SORCS3: variants seen among roughly 807,000 people sequenced by gnomAD.
SORCS3 encodes VPS10 domain-containing receptor SorCS3.
Under a neutral mutation model 146.3 loss-of-function variants are expected in SORCS3, and 57 were observed. The observed-to-expected ratio is 0.39, with a 90% CI of 0.31 to 0.49. The LOEUF is 0.49. Among genes scored for constraint, SORCS3 ranks in the 20% least tolerant of loss-of-function variants. SORCS3 has a pLI of 0.92. For synonymous variants in SORCS3, 653 were observed against 618.5 expected (o/e 1.06, Z -0.83); for missense variants, 1,341 against 1,575.5 (o/e 0.85, Z 2.52).
intron 1 of SORCS3, among the ~76,000 whole-genome samples, chr10:104,680,661 C>A (rs2015960036): frequency 6.6e-6 from 1 of 152,240 alleles, no homozygotes. Flanking sequence ...CTAGTAACTG[C>A]ACGTGAGGGG....
intron 2 of SORCS3, among the ~76,000 whole-genome samples, chr10:104,912,589 A>T (rs950378588): frequency 2.0e-5 from 3 of 152,234 alleles, no homozygotes; most frequent in Non-Finnish European, 4.4e-5. Context: ...AGACATCAGT[A>T]GTTGGTTAAA....
At chr10:104,739,578 T>C (rs572307347) in intron 1 of SORCS3, among the ~76,000 whole-genome samples, 13 of 152,274 alleles carry the variant, frequency 8.5e-5, no homozygotes, top group African/African-American at 2.6e-4. Flanking sequence ...CTACAACTCA[T>C]AGAGTAGGGT....
In SORCS3 at chr10:104,907,685, G is replaced by A. The variant is rs143031762; in HGVS notation, c.696-8148G>A. ...GAAATAGAGACGAATTAATTATCCT[G>A]TATCATTGTGCCTCTCTTTGTGAGA... is the stretch of plus-strand genomic sequence containing the variant. On this transcript the variant is annotated intron_variant, in intron 2 of 26. Coordinates refer to ENST00000369701, the MANE Select transcript of SORCS3 (RefSeq NM_014978.3). Among the ~76,000 whole-genome samples, 57 of 152,280 alleles carry A rather than the reference G, an allele frequency of 3.7e-4. 1 individual carries two copies. In the East Asian group the frequency reaches 0.011, roughly 29 times the overall value.
chr10:105,076,598 A>G (rs1408985341), intron 5 of SORCS3, among the ~76,000 whole-genome samples: 1 of 152,192 alleles, frequency 6.6e-6, no homozygotes, highest in African/African-American at 2.4e-5. Context: ...ACACAGGGCC[A>G]ACTGGTGGGC....
chr10:105,212,637 T>C (rs1554887091), intron 17 of SORCS3, among the ~76,000 whole-genome samples: 1 of 150,974 alleles, frequency 6.6e-6, no homozygotes, highest in Non-Finnish European at 1.5e-5. Context: ...GAATGGCAAT[T>C]AAAAAAAAAG....
intron 20 of SORCS3, among the ~76,000 whole-genome samples, chr10:105,223,845 T>C (rs1345233198): frequency 1.3e-5 from 2 of 152,232 alleles, no homozygotes; most frequent in Non-Finnish European, 2.9e-5. Context: ...ATGACCACAA[T>C]TGTATGATAG....
At chr10:105,031,432 T>G (rs1435278493) in intron 4 of SORCS3, among the ~76,000 whole-genome samples, 1 of 152,174 alleles carries the variant, frequency 6.6e-6, no homozygotes, top group Non-Finnish European at 1.5e-5. Flanking sequence ...GGGTTCTATT[T>G]CTAGAATTAT....
intron 5 of SORCS3, among the ~76,000 whole-genome samples, chr10:105,044,096 C>T (rs891151961): frequency 2.0e-5 from 3 of 152,036 alleles, no homozygotes; most frequent in African/African-American, 7.2e-5. Context: ...TGGTTAGGCA[C>T]AGTGGCTCAT....
chr10:104,735,811 G>C (rs1156446785), intron 1 of SORCS3, among the ~76,000 whole-genome samples: 3 of 152,010 alleles, frequency 2.0e-5, no homozygotes, highest in Non-Finnish European at 2.9e-5. Flanking sequence ...AGGTTTCTTG[G>C]AACCGGTTCT....
intron 5 of SORCS3, among the ~76,000 whole-genome samples, chr10:105,078,290 TGCACAGGGAG>T (rs577331325): frequency 9.2e-5 from 14 of 152,278 alleles, no homozygotes; most frequent in Admixed American, 5.2e-4. Context: ...ATTTAAGAAA[TGCACAGGGAG>T]GCACGGTGCT....
chr10:104,671,207 C>G (rs1397779994), intron 1 of SORCS3, among the ~76,000 whole-genome samples: 3 of 150,314 alleles, frequency 2.0e-5, no homozygotes, highest in Non-Finnish European at 4.4e-5. Context: ...AGCCAGCTTC[C>G]TTGACTTGTT....
chr10:104,983,092 T>G (rs2133655637), intron 4 of SORCS3, among the ~76,000 whole-genome samples: 1 of 152,240 alleles, frequency 6.6e-6, no homozygotes, highest in East Asian at 1.9e-4. Flanking sequence ...CTCCATCTCC[T>G]CGATTCAAGC....
At chr10:105,251,655 GTGA>G (rs1374927858) in intron 22 of SORCS3, among the ~76,000 whole-genome samples, 1 of 152,170 alleles carries the variant, frequency 6.6e-6, no homozygotes, top group Non-Finnish European at 1.5e-5. Context: ...AGAAGAGGTG[GTGA>G]TGTTCTGGAT....
chr10:104,703,166 G>T (rs769279235), intron 1 of SORCS3, among the ~76,000 whole-genome samples: 2 of 152,230 alleles, frequency 1.3e-5, no homozygotes, highest in Non-Finnish European at 2.9e-5. Context: ...AAGAAAGCCA[G>T]TTGGATGGCA....
At chr10:104,686,919 A>G (rs1055122195) in intron 1 of SORCS3, among the ~76,000 whole-genome samples, 4 of 128,234 alleles carry the variant, frequency 3.1e-5, no homozygotes, top group East Asian at 5.7e-4. Context: ...CCATCTGTCA[A>G]TCCATCTATC....
intron 8 of SORCS3, among the ~76,000 whole-genome samples, chr10:105,139,695 G>A (rs974171572): frequency 6.6e-6 from 1 of 152,044 alleles, no homozygotes; most frequent in African/African-American, 2.4e-5. Context: ...CAAGAGCTTT[G>A]ATTTCCTGTA....
intron 1 of SORCS3, among the ~76,000 whole-genome samples, chr10:104,741,855 C>T (rs917217375): frequency 5.3e-5 from 8 of 151,458 alleles, no homozygotes; most frequent in East Asian, 1.9e-4. Context: ...GTGTTTCAAG[C>T]GTATGCATAA....
At chr10:104,687,354 A>G (rs1183776828) in intron 1 of SORCS3, among the ~76,000 whole-genome samples, 1 of 152,214 alleles carries the variant, frequency 6.6e-6, no homozygotes, top group Non-Finnish European at 1.5e-5. Context: ...GCCTCCATGT[A>G]GAAGGCAACT....
chr10:105,089,794 A>C lies in SORCS3; in HGVS notation c.1048A>C (p.Lys350Gln). 6.2e-7 allele frequency: 1 copy of C among 1,613,968 alleles called. No individual in the cohort carries two copies. Among genetic ancestry groups the C allele is most frequent in the Non-Finnish European group, 8.5e-7 (1 of 1,179,908 alleles). The part of the protein sequence containing the change: ...RFYWSVAGLD[K>Q]EADLVHMEVR... ...TCCCAGGTCGGTGGCCGGATTGGAT[A>C]AGGAGGCGGACCTGGTGCACATGGA... The change falls in exon 6 of 27, where the codon AAG (lysine) becomes CAG (glutamine). Residue 350 changes from lysine (K) to glutamine (Q), a missense_variant. Coordinates refer to ENST00000369701, the MANE Select transcript of SORCS3 (RefSeq NM_014978.3).
Sources: gnomAD v4.1 joint callset for allele counts (sites outside exome capture counted in the v4.1 genomes callset) on GRCh38, gnomAD v4.1.1 for gene constraint, MANE v1.5 for transcripts, NCBI Gene and HGNC (gene_info 2026-07-23, HGNC 2026-07-21) for gene names.